FBXL7: variants seen among roughly 807,000 people sequenced by gnomAD.
FBXL7 encodes F-box/LRR-repeat protein 7.
Under a neutral mutation model 38.3 loss-of-function variants are expected in FBXL7, and 12 were observed. The observed-to-expected ratio is 0.31, with a 90% CI of 0.20 to 0.51. FBXL7 has a LOEUF of 0.51. Among genes scored for constraint, FBXL7 ranks in the 20% least tolerant of loss-of-function variants. FBXL7 has a pLI of 0.98. For synonymous variants in FBXL7, 297 were observed against 300.9 expected (o/e 0.99, Z 0.13); for missense variants, 567 against 676.4 (o/e 0.84, Z 1.79).
chr5:15,723,058 T>C (rs889949741), intron 2 of FBXL7, among the ~76,000 whole-genome samples: 2 of 152,310 alleles, frequency 1.3e-5, no homozygotes, highest in South Asian at 2.1e-4. Context: ...GCACACATTA[T>C]AAATATTTTA....
chr5:15,815,750 A>T (rs1381773087), intron 2 of FBXL7, among the ~76,000 whole-genome samples: 1 of 152,212 alleles, frequency 6.6e-6, no homozygotes, highest in Non-Finnish European at 1.5e-5. Context: ...ATCAGACCTC[A>T]GTAGCCTGTA....
intron 2 of FBXL7, among the ~76,000 whole-genome samples, chr5:15,801,098 G>A (rs1298448261): frequency 6.6e-6 from 1 of 152,170 alleles, no homozygotes; most frequent in Non-Finnish European, 1.5e-5. Flanking sequence ...ATGTTCAACT[G>A]ATTTTATTAG....
At chr5:15,630,875 A>G in intron 2 of FBXL7, among the ~76,000 whole-genome samples, 1 of 151,990 alleles carries the variant, frequency 6.6e-6, no homozygotes, top group East Asian at 1.9e-4. Flanking sequence ...GCTTTCATTT[A>G]TGTGTGATAC....
chr5:15,838,852 T>A (rs1738660430), intron 2 of FBXL7, among the ~76,000 whole-genome samples: 1 of 152,236 alleles, frequency 6.6e-6, no homozygotes, highest in Non-Finnish European at 1.5e-5. Flanking sequence ...GAGTTTGAAC[T>A]ACTTGAAAAT....
intron 2 of FBXL7, among the ~76,000 whole-genome samples, chr5:15,918,808 C>T (rs528092729): frequency 3.3e-5 from 5 of 152,342 alleles, no homozygotes; most frequent in Admixed American, 3.3e-4. Flanking sequence ...ATCGTCTGAT[C>T]CTGGGGGGTA....
intron 1 of FBXL7, among the ~76,000 whole-genome samples, chr5:15,516,926 C>A (rs1047937574): frequency 2.6e-5 from 4 of 152,212 alleles, no homozygotes; most frequent in African/African-American, 9.6e-5. Context: ...AAACCTCTTT[C>A]CTTTATAAAT....
intron 2 of FBXL7, among the ~76,000 whole-genome samples, chr5:15,913,579 T>C (rs962106738): frequency 2.6e-5 from 4 of 152,246 alleles, no homozygotes; most frequent in Non-Finnish European, 5.9e-5. Flanking sequence ...ATCTTTTTAC[T>C]AGAATCTAAA....
chr5:15,938,954 A>G lies in FBXL7; in HGVS notation c.*1768A>G, dbSNP rs1035788176. 5 of 398,914 alleles carry G rather than the reference A, an allele frequency of 1.3e-5. No individual in the cohort carries two copies. Among genetic ancestry groups the G allele is most frequent in the Admixed American group, 4.4e-5 (1 of 22,710 alleles). 24.7% of individuals were successfully genotyped at this position (398,914 alleles called of 1,614,324 possible). A position where few individuals can be genotyped will look rare whatever the true frequency, so the allele number is the denominator to read the frequency against. ...CATTTATTTTCTTCTCAAAATGCCCATTATCCAAATGCAGAACCTCTGCAT... is the reference window on the plus strand; with the variant it reads ...CATTTATTTTCTTCTCAAAATGCCCGTTATCCAAATGCAGAACCTCTGCAT... On this transcript the variant is annotated 3_prime_UTR_variant, in exon 4 of 4. Transcript: ENST00000504595.
chr5:15,851,248 A>T (rs1739085492), intron 2 of FBXL7, among the ~76,000 whole-genome samples: 1 of 152,106 alleles, frequency 6.6e-6, no homozygotes, highest in Non-Finnish European at 1.5e-5. Flanking sequence ...TTTCTCTATC[A>T]AGTACTTTGT....
chr5:15,621,990 TGA>T (rs1740663733), intron 2 of FBXL7, among the ~76,000 whole-genome samples: 1 of 152,074 alleles, frequency 6.6e-6, no homozygotes, highest in Non-Finnish European at 1.5e-5. Context: ...CAAAGATAAA[TGA>T]GAAACAGTTA....
chr5:15,929,016 TC>T (rs1304142516), intron 3 of FBXL7, among the ~76,000 whole-genome samples: 3 of 152,136 alleles, frequency 2.0e-5, no homozygotes, highest in Admixed American at 6.6e-5. Context: ...AAAGGCTAAC[TC>T]AAGCACAGTT....
intron 2 of FBXL7, among the ~76,000 whole-genome samples, chr5:15,819,785 C>T (rs564509410): frequency 1.3e-5 from 2 of 152,152 alleles, no homozygotes; most frequent in Non-Finnish European, 2.9e-5. Context: ...TGTACTTCAC[C>T]GCACAAGCCC....
At position 15,875,944 on chromosome 5, in the gene FBXL7, C is replaced by T. The variant is rs543876857; in HGVS notation, c.128-51946C>T. ...TATAAATCATTCTACTATAAAGACA[C>T]ATGCACACGTATGTTTATTAAAGCA... On this transcript the variant is annotated intron_variant, in intron 2 of 3. Transcript: ENST00000504595. Among the ~76,000 whole-genome samples, 14 of 152,320 alleles carry T rather than the reference C, an allele frequency of 9.2e-5. No individual in the cohort carries two copies. In the South Asian group the frequency reaches 1.0e-3, roughly 11 times the overall value.
intron 2 of FBXL7, among the ~76,000 whole-genome samples, chr5:15,833,882 T>C (rs1009565529): frequency 2.0e-5 from 3 of 152,204 alleles, no homozygotes; most frequent in Non-Finnish European, 4.4e-5. Context: ...TTGACAAAAA[T>C]AAGCATTTTC....
intron 1 of FBXL7, among the ~76,000 whole-genome samples, chr5:15,520,042 T>C (rs1049402956): frequency 6.6e-6 from 1 of 152,206 alleles, no homozygotes; most frequent in Admixed American, 6.5e-5. Context: ...TTATTCATGC[T>C]TCCCCTTTTT....
chr5:15,873,137 C>G (rs1191356494), intron 2 of FBXL7, among the ~76,000 whole-genome samples: 1 of 152,180 alleles, frequency 6.6e-6, no homozygotes, highest in Non-Finnish European at 1.5e-5. Context: ...TCACTCAAAA[C>G]TGCACAACTA....
chr5:15,872,959 C>G (rs994350275), intron 2 of FBXL7, among the ~76,000 whole-genome samples: 1 of 152,166 alleles, frequency 6.6e-6, no homozygotes, highest in African/African-American at 2.4e-5. Context: ...ACTCTCCACC[C>G]CAAATCAACA....
chr5:15,924,585 G>T (rs1369363392), intron 2 of FBXL7, among the ~76,000 whole-genome samples: 1 of 151,586 alleles, frequency 6.6e-6, no homozygotes, highest in African/African-American at 2.4e-5. Flanking sequence ...TGTCTGTAAG[G>T]TACAGGTTGG....
intron 2 of FBXL7, among the ~76,000 whole-genome samples, chr5:15,822,380 A>G (rs1738194373): frequency 6.6e-6 from 1 of 151,880 alleles, no homozygotes; most frequent in Admixed American, 6.6e-5. Context: ...AACAAAACAT[A>G]AAAGAAACAT....
Sources: gnomAD v4.1 joint callset for allele counts (sites outside exome capture counted in the v4.1 genomes callset) on GRCh38, gnomAD v4.1.1 for gene constraint, MANE v1.5 for transcripts, NCBI Gene and HGNC (gene_info 2026-07-23, HGNC 2026-07-21) for gene names.